The following NELL1 variants were observed in gnomAD, a reference collection of about 807,000 sequenced individuals.
NELL1 encodes the protein neural EGFL like 1.
Under a neutral mutation model 107.4 loss-of-function variants are expected in NELL1, and 76 were observed. The observed-to-expected ratio is 0.71, with a 90% confidence interval of 0.59 to 0.86. The LOEUF (loss-of-function observed/expected upper bound fraction) is 0.86. Ranked by LOEUF, NELL1 falls within the 40% of genes least tolerant of loss-of-function variation. NELL1 has a pLI of 0.00. For synonymous variants in NELL1, 353 were observed against 341.2 expected (o/e 1.03, Z -0.38); for missense variants, 1,024 against 1,005.5 (o/e 1.02, Z -0.25).
intron 12 of NELL1, among the ~76,000 whole-genome samples, chr11:20,975,075 C>G (rs1034054592): frequency 6.6e-6 from 1 of 152,124 alleles, no homozygotes; most frequent in East Asian, 1.9e-4. Flanking sequence ...AGTGCATGCT[C>G]TCAGCTCACT....
intron 3 of NELL1, among the ~76,000 whole-genome samples, chr11:20,811,453 G>A (rs960857614): frequency 6.6e-6 from 1 of 151,678 alleles, no homozygotes; most frequent in Non-Finnish European, 1.5e-5. Flanking sequence ...ATTAATTTTA[G>A]GATTTTTTTT....
chr11:21,298,943 T>C (rs11026008), intron 14 of NELL1, among the ~76,000 whole-genome samples: 28,256 of 151,932 alleles, frequency 0.19, 3,188 homozygotes, highest in South Asian at 0.37. Flanking sequence ...TTTGTATTTG[T>C]CTAGAGCACT....
intron 15 of NELL1, among the ~76,000 whole-genome samples, chr11:21,394,503 A>G (rs1590895911): frequency 6.6e-6 from 1 of 151,420 alleles, no homozygotes; most frequent in Non-Finnish European, 1.5e-5. Flanking sequence ...TGTCCAAGAC[A>G]GACTGGACCC....
intron 2 of NELL1, among the ~76,000 whole-genome samples, chr11:20,730,326 A>C (rs1792979): frequency 6.6e-6 from 1 of 152,152 alleles, no homozygotes; most frequent in Non-Finnish European, 1.5e-5. Context: ...GTGAGCCTGT[A>C]AACTGCCTGA....
At chr11:21,264,182 A>G (rs1471187547) in intron 14 of NELL1, among the ~76,000 whole-genome samples, 5 of 151,780 alleles carry the variant, frequency 3.3e-5, no homozygotes, top group African/African-American at 9.7e-5. Context: ...ATAAAAGCAC[A>G]GGAGAAGAAA....
chr11:20,857,311 C>A (rs1848901294), intron 4 of NELL1, among the ~76,000 whole-genome samples: 2 of 152,276 alleles, frequency 1.3e-5, no homozygotes, highest in Non-Finnish European at 1.5e-5. Flanking sequence ...CCTATAGCCC[C>A]CCGAGTGTTC....
intron 15 of NELL1, among the ~76,000 whole-genome samples, chr11:21,374,575 A>G (rs1565193738): frequency 1.3e-5 from 2 of 151,990 alleles, no homozygotes; most frequent in African/African-American, 2.4e-5. Flanking sequence ...TCTAGCCCAC[A>G]CTCAAGGAGA....
chr11:21,178,785 T>A (rs983118193), intron 13 of NELL1, among the ~76,000 whole-genome samples: 1 of 151,480 alleles, frequency 6.6e-6, no homozygotes, highest in Admixed American at 6.6e-5. Flanking sequence ...AAAGTTTTTC[T>A]GTTAGGTGCA....
At chr11:21,311,474 T>A (rs2133646373) in intron 14 of NELL1, among the ~76,000 whole-genome samples, 1 of 152,298 alleles carries the variant, frequency 6.6e-6, no homozygotes, top group East Asian at 1.9e-4. Context: ...TATATTTGCA[T>A]AAAATCAAAT....
At chr11:20,929,847 C>G (rs1850580006) in intron 9 of NELL1, among the ~76,000 whole-genome samples, 1 of 152,012 alleles carries the variant, frequency 6.6e-6, no homozygotes. Context: ...TGGTGGGCAC[C>G]TGTAATTCCA....
intron 14 of NELL1, among the ~76,000 whole-genome samples, chr11:21,291,786 A>G (rs1418700246): frequency 3.3e-5 from 5 of 152,260 alleles, no homozygotes; most frequent in Non-Finnish European, 5.9e-5. Context: ...ACAAATCAAA[A>G]AACGTAACCC....
Position 21,461,971 on chromosome 11 carries a change from G to C in NELL1, c.1646-72403G>C, listed in dbSNP as rs137991832. ...GGAAACCAAAGAAGCAGAGCCAAATGCAAGAGCAGTGATCCGAAAATAAAC... is the reference window on the plus strand; with the variant it reads ...GGAAACCAAAGAAGCAGAGCCAAATCCAAGAGCAGTGATCCGAAAATAAAC... On this transcript the variant is annotated intron_variant, in intron 15 of 19. Coordinates refer to ENST00000357134, the MANE Select transcript of NELL1 (RefSeq NM_006157.5). Among the ~76,000 whole-genome samples, 820 of 152,196 alleles carry C rather than the reference G, an allele frequency of 5.4e-3. 5 individuals carry two copies. The highest frequency in any genetic ancestry group is 0.017 in the African/African-American group (701 of 41,556).
chr11:21,340,440 C>T (rs1850536726), intron 14 of NELL1, among the ~76,000 whole-genome samples: 1 of 152,168 alleles, frequency 6.6e-6, no homozygotes, highest in Non-Finnish European at 1.5e-5. Context: ...GCGTGAGCCA[C>T]CGCGCCCAGC....
intron 14 of NELL1, among the ~76,000 whole-genome samples, chr11:21,248,349 A>G (rs76970943): frequency 0.016 from 2,365 of 151,614 alleles, 49 homozygotes; most frequent in African/African-American, 0.045. Context: ...GTCAAAAAAA[A>G]AAAAGAAAAG....
intron 2 of NELL1, among the ~76,000 whole-genome samples, chr11:20,767,040 G>A (rs1016824356): frequency 3.9e-5 from 6 of 152,140 alleles, no homozygotes; most frequent in African/African-American, 9.7e-5. Flanking sequence ...CACTGGGCAC[G>A]GCTGCTGTTG....
rs571586523 is a variant in NELL1, at chr11:21,516,978, C to T, written c.1646-17396C>T. Among the ~76,000 whole-genome samples, 11 of 152,016 alleles carry T rather than the reference C, an allele frequency of 7.2e-5. No homozygotes were observed. The South Asian group carries it at 1.2e-3, about 17-fold the overall frequency. On this transcript the variant is annotated intron_variant, in intron 15 of 19. Coordinates refer to ENST00000357134, the MANE Select transcript of NELL1 (RefSeq NM_006157.5). ...CTAATTTTTGTATTTTTAGTAGAGA[C>T]GGGGTTTCACCATGTTGGCCAGGCT...
At chr11:21,127,593 G>A (rs1304622196) in intron 13 of NELL1, among the ~76,000 whole-genome samples, 4 of 129,872 alleles carry the variant, frequency 3.1e-5, no homozygotes, top group Admixed American at 8.2e-5. Flanking sequence ...AGGAAGAGGA[G>A]GAAGAGGAAG....
chr11:21,225,665 T>C (rs911281212), intron 13 of NELL1, among the ~76,000 whole-genome samples: 4 of 152,118 alleles, frequency 2.6e-5, no homozygotes, highest in Non-Finnish European at 5.9e-5. Context: ...ATAACATCTG[T>C]CTCAATTCAG....
intron 1 of NELL1, among the ~76,000 whole-genome samples, chr11:20,670,240 GC>G (rs1232829102): frequency 6.6e-6 from 1 of 152,140 alleles, no homozygotes. Flanking sequence ...CGCGGCCGGG[GC>G]CCGGGAGGGC....
Sources: allele counts gnomAD v4.1 joint callset (sites outside exome capture counted in the v4.1 genomes callset), GRCh38; gene constraint gnomAD v4.1.1; transcripts MANE v1.5; gene names NCBI Gene and HGNC (gene_info 2026-07-23, HGNC 2026-07-21).